The following HIP1 variants were observed in gnomAD, a reference collection of about 807,000 sequenced individuals.
HIP1 encodes huntingtin interacting protein 1.
A neutral mutation model predicts 147.6 loss-of-function variants in HIP1; 65 were observed. That is an observed-to-expected ratio of 0.44 (90% confidence interval 0.36 to 0.54). The LOEUF (loss-of-function observed/expected upper bound fraction) is 0.54, where lower values mean the gene tolerates loss of function less well. HIP1 is among the 20% of genes least tolerant of loss of function. The pLI, the probability that HIP1 is intolerant of heterozygous loss-of-function variation, is 0.00. For synonymous variants in HIP1, 479 were observed against 504.0 expected (o/e 0.95, Z 0.67); for missense variants, 1,061 against 1,299.6 (o/e 0.82, Z 2.82).
intron 1 of HIP1, among the ~76,000 whole-genome samples, chr7:75,651,777 C>T (rs562076718): frequency 7.2e-5 from 11 of 152,070 alleles, no homozygotes; most frequent in East Asian, 1.9e-4. Context: ...GTTGTTTTGA[C>T]GCTAAGTTAA....
intron 22 of HIP1, 116 bp from the exon 23 acceptor site, chr7:75,549,117 C>T (rs781867755): frequency 1.4e-6 from 1 of 704,136 alleles, no homozygotes; most frequent in Non-Finnish European, 2.5e-6. Context: ...ACACCTTCTG[C>T]AAGCCACAGG....
At chr7:75,579,685 A>C (rs1795968347) in intron 7 of HIP1, among the ~76,000 whole-genome samples, 2 of 152,136 alleles carry the variant, frequency 1.3e-5, no homozygotes, top group South Asian at 4.1e-4. Flanking sequence ...TACAACACAA[A>C]ACAGAATATT....
intron 1 of HIP1, among the ~76,000 whole-genome samples, chr7:75,733,072 T>C (rs1801888226): frequency 6.6e-6 from 1 of 152,222 alleles, no homozygotes; most frequent in Non-Finnish European, 1.5e-5. Context: ...GAAAACCATT[T>C]TCCAGCTAAG....
chr7:75,729,188 G>A (rs929290390), intron 1 of HIP1, among the ~76,000 whole-genome samples: 1 of 146,318 alleles, frequency 6.8e-6, no homozygotes, highest in African/African-American at 2.5e-5. Context: ...AAGAAGCATT[G>A]TTGGGCCAGG....
intron 1 of HIP1, among the ~76,000 whole-genome samples, chr7:75,645,260 C>T (rs1554510971): frequency 6.6e-6 from 1 of 152,014 alleles, no homozygotes; most frequent in African/African-American, 2.4e-5. Flanking sequence ...AAGTTTCACT[C>T]TTGTTCCCCA....
intron 1 of HIP1, among the ~76,000 whole-genome samples, chr7:75,676,297 A>G (rs1799884046): frequency 6.6e-6 from 1 of 152,162 alleles, no homozygotes; most frequent in South Asian, 2.1e-4. Context: ...CTCTGGATCC[A>G]TGCAAACTTT....
Position 75,545,149 on chromosome 7 carries a change from G to A in HIP1, c.2599C>T (p.Arg867Ter). ...GCTGAGATAAGTCCTTCTGTCCATC[G>A]AGAGTTCTTGGCATAAAACTCTTTA... ...SPKEFYAKNSRWTEGLISASK... is the reference protein window; with the variant it reads ...SPKEFYAKNS The change falls in exon 26 of 31, where the codon CGA becomes TGA. Residue 867 changes from arginine to a stop codon, truncating the protein, a stop_gained. Coordinates refer to ENST00000336926, the MANE Select transcript of HIP1 (RefSeq NM_005338.7). LOFTEE classifies it high-confidence loss of function. 1.9e-6 allele frequency: 3 copies of A among 1,611,608 alleles called. No individual in the cohort carries two copies. Among genetic ancestry groups the A allele is most frequent in the Non-Finnish European group, 2.5e-6 (3 of 1,179,150 alleles).
chr7:75,681,440 C>A (rs1762452063), intron 1 of HIP1, among the ~76,000 whole-genome samples: 2 of 151,266 alleles, frequency 1.3e-5, no homozygotes, highest in African/African-American at 4.8e-5. Context: ...TCCCTTCCTG[C>A]TGCCCCTAGA....
intron 1 of HIP1, chr7:75,625,643 G>A (rs1554507878): frequency 6.6e-6 from 1 of 152,184 alleles, no homozygotes; most frequent in Non-Finnish European, 1.5e-5. Flanking sequence ...AAGCAGAGAT[G>A]GGGCGCTATA....
chr7:75,567,524 C>T lies in HIP1; in HGVS notation c.803+675G>A, dbSNP rs954177993. ...CCTTAGAATGAAGATAACCTCAGGT[C>T]GGGTGCAGTGGCTCACGCCTGTAAT... On this transcript the variant is annotated intron_variant, in intron 9 of 30. Coordinates refer to ENST00000336926, the MANE Select transcript of HIP1 (RefSeq NM_005338.7). Among the ~76,000 whole-genome samples, 5 of 151,394 alleles carry T rather than the reference C, an allele frequency of 3.3e-5. 1 individual carries two copies. Among genetic ancestry groups the T allele is most frequent in the East Asian group, 1.9e-4 (1 of 5,174 alleles).
At chr7:75,594,262 G>A (rs1486868211) in intron 2 of HIP1, among the ~76,000 whole-genome samples, 2 of 150,804 alleles carry the variant, frequency 1.3e-5, no homozygotes, top group Admixed American at 6.6e-5. Flanking sequence ...CCTGGGCAAC[G>A]AGCAAAACTC....
chr7:75,621,118 G>A (rs1797831993), intron 1 of HIP1, among the ~76,000 whole-genome samples: 1 of 152,056 alleles, frequency 6.6e-6, no homozygotes, highest in South Asian at 2.1e-4. Flanking sequence ...GAGGTGGGAG[G>A]ATGGCTTGAG....
intron 11 of HIP1, among the ~76,000 whole-genome samples, chr7:75,562,498 G>A (rs1795260824): frequency 6.6e-6 from 1 of 152,008 alleles, no homozygotes; most frequent in South Asian, 2.1e-4. Context: ...TTAGGGCCTG[G>A]TTCTTGTTCT....
chr7:75,611,482 G>GA (rs1203789142), intron 1 of HIP1, among the ~76,000 whole-genome samples: 5 of 130,426 alleles, frequency 3.8e-5, no homozygotes, highest in Non-Finnish European at 4.8e-5. Context: ...AAAAAAAAAA[G>GA]AAAAAAAAAA....
intron 1 of HIP1, among the ~76,000 whole-genome samples, chr7:75,687,132 G>T (rs181856781): frequency 2.5e-4 from 38 of 152,294 alleles, no homozygotes; most frequent in Non-Finnish European, 4.4e-4. Flanking sequence ...GCACTTGACA[G>T]TTTACAAAAC....
chr7:75,603,083 A>AC (rs11409632), intron 1 of HIP1, among the ~76,000 whole-genome samples: 18,350 of 151,858 alleles, frequency 0.12, 1,368 homozygotes, highest in African/African-American at 0.2. Flanking sequence ...GCAGTGACTC[A>AC]CACCTGTCAT....
intron 1 of HIP1, among the ~76,000 whole-genome samples, chr7:75,660,101 G>C (rs569743180): frequency 4.0e-5 from 6 of 151,706 alleles, no homozygotes; most frequent in Non-Finnish European, 5.9e-5. Context: ...ACTCCAGCCT[G>C]GCAACAGAGC....
intron 1 of HIP1, among the ~76,000 whole-genome samples, chr7:75,701,290 C>T (rs879989451): frequency 6.6e-6 from 1 of 151,982 alleles, no homozygotes; most frequent in Non-Finnish European, 1.5e-5. Flanking sequence ...GCCACCTTAA[C>T]GGCTGAGGCA....
In HIP1 at chr7:75,562,973, C is replaced by G. The variant is rs782598992; in HGVS notation, c.982G>C (p.Glu328Gln). 1.4e-5 allele frequency: 22 copies of G among 1,614,218 alleles called. No individual in the cohort carries two copies. Among genetic ancestry groups the G allele is most frequent in the Non-Finnish European group, 1.8e-5 (21 of 1,180,042 alleles). Residue 328 changes from glutamate (E) to glutamine (Q), a missense_variant, in exon 11 of 31, where the codon GAG becomes CAG. Around this residue, in one of 3 missense-constraint regions of HIP1, gnomAD observed 810 missense variants for 946.8 expected, o/e 0.86. Coordinates refer to ENST00000336926, the MANE Select transcript of HIP1 (RefSeq NM_005338.7). ...TCCATGTCCATGAGGTCATCCTTCT[C>G]TAGGACTGGCTCGCTGTCGGGGGAT... is the stretch of plus-strand genomic sequence containing the variant. ...ASSPDSEPVL[E>Q]KDDLMDMDAS... is the part of the protein sequence containing the mutation.
Sources: allele counts gnomAD v4.1 joint callset (sites outside exome capture counted in the v4.1 genomes callset), GRCh38; gene constraint gnomAD v4.1.1; regional missense constraint gnomAD v4.1.1; transcripts MANE v1.5; gene names NCBI Gene and HGNC (gene_info 2026-07-23, HGNC 2026-07-21).